Variants in DNAH5 observed in about 807,000 individuals in gnomAD.
DNAH5 encodes the protein axonemal beta dynein heavy chain 5.
DNAH5 carries 372 observed loss-of-function variants against 518.2 expected under a neutral mutation model. That is an observed-to-expected ratio of 0.72 (90% confidence interval 0.66 to 0.78). The LOEUF is 0.78. DNAH5 is among the 30% of genes least tolerant of loss of function. The pLI, the probability that DNAH5 is intolerant of heterozygous loss-of-function variation, is 0.00. For synonymous variants in DNAH5, 2,039 were observed against 2,025.9 expected (o/e 1.01, Z -0.17); for missense variants, 5,523 against 5,687.0 (o/e 0.97, Z 0.93).
chr5:13,746,379 T>C (rs528108062), intron 65 of DNAH5, among the ~76,000 whole-genome samples: 1 of 152,260 alleles, frequency 6.6e-6, no homozygotes, highest in African/African-American at 2.4e-5. Flanking sequence ...GTTACTAAAT[T>C]TGTGGAATTA....
intron 32 of DNAH5, 39 bp from the exon 33 acceptor site, chr5:13,841,943 A>AT: frequency 9.5e-7 from 1 of 1,054,500 alleles, no homozygotes. Context: ...AAAAAGCTAT[A>AT]GTCATATAAA....
chr5:13,974,823 C>G (rs946635895), intron 1 of DNAH5, among the ~76,000 whole-genome samples: 7 of 152,190 alleles, frequency 4.6e-5, no homozygotes, highest in Non-Finnish European at 2.9e-5. Context: ...TACTCCCCCA[C>G]TGCCTCTGAG....
At chr5:13,773,897 C>G (rs1753700043) in intron 55 of DNAH5, among the ~76,000 whole-genome samples, 1 of 146,622 alleles carries the variant, frequency 6.8e-6, no homozygotes, top group South Asian at 2.3e-4. Context: ...AGGAGGAGAG[C>G]ATTGCATGGA....
chr5:13,944,981 G>A (rs113690233), upstream of DNAH5, among the ~76,000 whole-genome samples: 978 of 152,080 alleles, frequency 6.4e-3, 13 homozygotes, highest in African/African-American at 0.022. Context: ...TTGCAAGCAC[G>A]ATGCACTGCC....
intron 62 of DNAH5, 30 bp from the exon 63 acceptor site, chr5:13,753,579 A>G: frequency 6.4e-7 from 1 of 1,566,404 alleles, no homozygotes; most frequent in Non-Finnish European, 8.8e-7. Context: ...CCATTGAAAT[A>G]CTTTACGTTC....
At position 13,876,700 on chromosome 5, in the gene DNAH5, A is replaced by G; in HGVS notation, c.3380T>C (p.Ile1127Thr). ...VKLVSVLSTI[I>T]NSTKKEVITS... ...TTGACATACCTTTTTGGTGGAGTTG[A>G]TAATTGTGCTAAGCACAGAAACTAA... Residue 1127 changes from isoleucine (I) to threonine (T), a missense_variant, in exon 22 of 79, where the codon ATC (isoleucine) becomes ACC (threonine). Ile to Thr is a moderately conservative substitution (Grantham distance 89, BLOSUM62 -1). This residue lies in a region of DNAH5 where 5,121 missense variants were observed against 5,223.3 expected (regional missense o/e 0.98). Coordinates refer to ENST00000265104, the MANE Select transcript of DNAH5 (RefSeq NM_001369.3). The G allele has an allele frequency of 6.2e-7, 1 of 1,613,750 alleles. No individual in the cohort carries two copies. Among genetic ancestry groups the G allele is most frequent in the Non-Finnish European group, 8.5e-7 (1 of 1,179,798 alleles).
intron 14 of DNAH5, 173 bp from the exon 15 acceptor site, chr5:13,900,585 G>T: frequency 1.6e-6 from 1 of 638,916 alleles, no homozygotes; most frequent in East Asian, 2.7e-5. Flanking sequence ...TCATACAATA[G>T]CCTTCAAGTT....
chr5:13,701,850 G>A (rs1742161902), intron 76 of DNAH5, among the ~76,000 whole-genome samples: 1 of 152,088 alleles, frequency 6.6e-6, no homozygotes, highest in Admixed American at 6.5e-5. Context: ...ACATAAAAAA[G>A]GATTTTTATT....
In DNAH5 at chr5:13,716,519, T is replaced by A; in HGVS notation, c.12877A>T (p.Ser4293Cys). ...TACTGAAGATAGTTATCCACTGTGC[T>A]GCATTTTGGAATATTGTATCCTTGG... ...FYQGYNIPKCSTVDNYLQYIQ... is the reference protein window; with the variant it reads ...FYQGYNIPKCCTVDNYLQYIQ... The change falls in exon 74 of 79, where the codon AGC (serine) becomes TGC (cysteine). Residue 4293 changes from serine to cysteine, a missense_variant. Coordinates refer to ENST00000265104, the MANE Select transcript of DNAH5 (RefSeq NM_001369.3). 6.2e-7 allele frequency: 1 copy of A among 1,613,922 alleles called. No individual in the cohort carries two copies.
chr5:13,983,973 T>A (rs927402574), intron 1 of DNAH5, among the ~76,000 whole-genome samples: 1 of 152,082 alleles, frequency 6.6e-6, no homozygotes, highest in Admixed American at 6.5e-5. Context: ...TCAGTTACGT[T>A]AGGTGGGAGG....
Position 13,841,691 on chromosome 5 carries a change from C to G in DNAH5, c.5484+1G>C. 6.2e-7 allele frequency: 1 copy of G among 1,607,198 alleles called. No individual in the cohort carries two copies. The highest frequency in any genetic ancestry group is 1.1e-5 in the South Asian group (1 of 90,952). On this transcript the variant is annotated splice_donor_variant, in intron 33 of 78. Transcript: ENST00000265104. LOFTEE classifies it high-confidence loss of function. ...ATACTTTCAAATTTCAATACACTGA[C>G]CTGAGCAGGGAAGGATGAAAGAAAT...
intron 57 of DNAH5, 115 bp from the exon 58 acceptor site, chr5:13,769,251 T>G (rs962980353): frequency 4.6e-5 from 51 of 1,105,526 alleles, no homozygotes; most frequent in Middle Eastern, 2.3e-4. Flanking sequence ...TTTGTTGTTT[T>G]TTTTTTTTTT....
chr5:13,770,787 A>G lies in DNAH5; in HGVS notation c.9567T>C (p.Tyr3189=). 1 of 1,614,018 alleles carries G rather than the reference A, an allele frequency of 6.2e-7. No individual in the cohort carries two copies. Among genetic ancestry groups the G allele is most frequent in the Non-Finnish European group, 8.5e-7 (1 of 1,179,954 alleles). The change falls in exon 56 of 79, where the codon TAT becomes TAC. Residue 3189 remains tyrosine (Y), a synonymous_variant. Coordinates refer to ENST00000265104, the MANE Select transcript of DNAH5 (RefSeq NM_001369.3). ...LSFIQGYKFI[Y]GEKHVEVRTL... is the part of the protein sequence containing the mutation. ...TCCGCACCTCCACATGCTTTTCTCC[A>G]TATATGAACTTATAGCCCTGAATAA... is the stretch of plus-strand genomic sequence containing the variant.
intron 47 of DNAH5, among the ~76,000 whole-genome samples, chr5:13,800,499 T>C (rs1414943012): frequency 6.6e-6 from 1 of 152,070 alleles, no homozygotes; most frequent in Non-Finnish European, 1.5e-5. Flanking sequence ...AACACTGAGT[T>C]TTTCTATTAT....
chr5:13,737,798 A>T (rs1351181953), intron 65 of DNAH5, among the ~76,000 whole-genome samples: 1 of 152,076 alleles, frequency 6.6e-6, no homozygotes, highest in Non-Finnish European at 1.5e-5. Context: ...GTGGTGGCGC[A>T]TACCTGTAGT....
chr5:13,784,101 C>T (rs1161176966), intron 52 of DNAH5, among the ~76,000 whole-genome samples: 5 of 152,136 alleles, frequency 3.3e-5, no homozygotes, highest in East Asian at 3.9e-4. Context: ...ATGGAGAAAA[C>T]GGCAGTTCTA....
intron 1 of DNAH5, among the ~76,000 whole-genome samples, chr5:13,979,999 C>G (rs1482255817): frequency 6.6e-6 from 1 of 152,038 alleles, no homozygotes; most frequent in African/African-American, 2.4e-5. Context: ...ACCACCACAC[C>G]TGGCTAATTT....
rs527911489 is a variant in DNAH5, at chr5:13,748,309, C to T, written c.11211+2769G>A. On this transcript the variant is annotated intron_variant, in intron 65 of 78. Transcript: ENST00000265104. ...TTGTAGTATGTTTGAAGTCAGGTAGCGTGATGCCTCCAGCTTTGTTCTTTT... is the reference window on the plus strand; with the variant it reads ...TTGTAGTATGTTTGAAGTCAGGTAGTGTGATGCCTCCAGCTTTGTTCTTTT... Among the ~76,000 whole-genome samples, 902 of 152,228 alleles carry T rather than the reference C, an allele frequency of 5.9e-3. 4 individuals carry two copies. The highest frequency in any genetic ancestry group is 0.02 in the African/African-American group (845 of 41,518).
intron 1 of DNAH5, among the ~76,000 whole-genome samples, chr5:14,011,298 T>C (rs753543771): frequency 6.6e-6 from 1 of 152,062 alleles, no homozygotes; most frequent in African/African-American, 2.4e-5. Flanking sequence ...AATGGGTGGA[T>C]TGGGTCCACG....
Sources: allele counts gnomAD v4.1 joint callset (sites outside exome capture counted in the v4.1 genomes callset), GRCh38; gene constraint gnomAD v4.1.1; regional missense constraint gnomAD v4.1.1; transcripts MANE v1.5; gene names NCBI Gene and HGNC (gene_info 2026-07-23, HGNC 2026-07-21).